The following PLA2G4C variants were observed in gnomAD, a reference collection of about 807,000 sequenced individuals.
PLA2G4C encodes cytosolic phospholipase A2 gamma.
In PLA2G4C, 64 loss-of-function variants were observed where a neutral mutation model predicts 73.8. The ratio of observed to expected loss-of-function variants is 0.87; its 90% confidence interval spans 0.71 to 1.07. The LOEUF is 1.07. PLA2G4C is among the 50% of genes least tolerant of loss of function. The pLI is 0.00. For synonymous variants in PLA2G4C, 254 were observed against 252.1 expected (o/e 1.01, Z -0.07); for missense variants, 622 against 665.4 (o/e 0.93, Z 0.72).
rs757526400 is a variant in PLA2G4C at position 48,055,084 on chromosome 19, CTCTCCA to C, written c.1258-41_1258-36del. 8.5e-6 allele frequency: 13 copies of C among 1,528,636 alleles called. No individual in the cohort carries two copies. The East Asian group carries it at 2.8e-4, about 33-fold the overall frequency. The allele number at this position is 1,528,636 out of a possible 1,614,324, so 94.7% of individuals were successfully genotyped here. A position where few individuals can be genotyped will look rare whatever the true frequency, so the allele number is the denominator to read the frequency against. ...AGGCAATAAGAAATGGTTGCAAGAC[CTCTCCA>C]GAAGACCCCTCCAGAAGACCCCTGG... On this transcript the variant is annotated intron_variant, in intron 14 of 16. Transcript: ENST00000599921.
intron 16 of PLA2G4C, 27 bp from the exon 17 acceptor site, chr19:48,048,415 A>G: frequency 6.4e-7 from 1 of 1,560,682 alleles, no homozygotes; most frequent in Non-Finnish European, 8.7e-7. Context: ...GTTAGAAGTT[A>G]CCACTGTGCT....
At chr19:48,102,396 C>CG (rs2122692588) in intron 4 of PLA2G4C, among the ~76,000 whole-genome samples, 1 of 151,348 alleles carries the variant, frequency 6.6e-6, no homozygotes, top group Admixed American at 6.6e-5. Context: ...GAGGCTGAGG[C>CG]AGGAGAATCA....
At chr19:48,049,017 G>A (rs964376066) in intron 16 of PLA2G4C, among the ~76,000 whole-genome samples, 1 of 151,928 alleles carries the variant, frequency 6.6e-6, no homozygotes, top group Non-Finnish European at 1.5e-5. Flanking sequence ...TCTCTCTCTT[G>A]CTCTCTCTCA....
intron 7 of PLA2G4C, among the ~76,000 whole-genome samples, chr19:48,090,952 G>T (rs891526717): frequency 6.6e-6 from 1 of 151,804 alleles, no homozygotes; most frequent in Non-Finnish European, 1.5e-5. Context: ...CCTGTATTGG[G>T]CTATGACTGT....
At chr19:48,068,138 C>T (rs1968513659) in intron 12 of PLA2G4C, among the ~76,000 whole-genome samples, 1 of 152,050 alleles carries the variant, frequency 6.6e-6, no homozygotes, top group Non-Finnish European at 1.5e-5. Flanking sequence ...CCTGTCTCTA[C>T]TAAAAATACA....
intron 10 of PLA2G4C, among the ~76,000 whole-genome samples, chr19:48,083,732 C>T (rs2030796200): frequency 6.6e-6 from 1 of 152,054 alleles, no homozygotes; most frequent in Non-Finnish European, 1.5e-5. Context: ...CAGGTGTGAG[C>T]CACTGCGCCC....
At chr19:48,105,249 T>C (rs1428475625) in intron 3 of PLA2G4C, 84 bp downstream of exon 3, 1 of 837,112 alleles carries the variant, frequency 1.2e-6, no homozygotes, top group African/African-American at 1.7e-5. Context: ...GGTCCAGCTC[T>C]CCCTGGCTGA....
chr19:48,067,509 C>T (rs1480386179), intron 13 of PLA2G4C, among the ~76,000 whole-genome samples: 1 of 152,196 alleles, frequency 6.6e-6, no homozygotes, highest in East Asian at 1.9e-4. Flanking sequence ...GACTAGCTGA[C>T]AAGAAATTAG....
intron 1 of PLA2G4C, among the ~76,000 whole-genome samples, chr19:48,108,574 C>T (rs763381788): frequency 6.6e-6 from 1 of 152,204 alleles, no homozygotes; most frequent in African/African-American, 2.4e-5. Context: ...GGTCATTCTT[C>T]AACCCACGAC....
At chr19:48,091,935 T>C (rs1242697281) in intron 7 of PLA2G4C, among the ~76,000 whole-genome samples, 1 of 143,990 alleles carries the variant, frequency 6.9e-6, no homozygotes, top group Non-Finnish European at 1.5e-5. Flanking sequence ...GGATGGCTGG[T>C]ATCCAAAAAA....
At chr19:48,081,937 C>T (rs147669273) in intron 10 of PLA2G4C, among the ~76,000 whole-genome samples, 8 of 151,906 alleles carry the variant, frequency 5.3e-5, no homozygotes, top group South Asian at 2.1e-4. Flanking sequence ...AAAAATTAGC[C>T]GGGCATGGTG....
At chr19:48,074,329 G>T in intron 12 of PLA2G4C, 3 of 165,934 alleles carry the variant, frequency 1.8e-5, no homozygotes, top group Non-Finnish European at 3.9e-5. Flanking sequence ...CCTTTTTCTG[G>T]CTGCATAGTA....
At chr19:48,089,253 C>T (rs1164367259) in intron 8 of PLA2G4C, among the ~76,000 whole-genome samples, 1 of 152,042 alleles carries the variant, frequency 6.6e-6, no homozygotes, top group Admixed American at 6.6e-5. Context: ...ATGGTGAAAT[C>T]CTGTCTCTAC....
chr19:48,062,317 T>C (rs1010783491), intron 13 of PLA2G4C, 165 bp from the exon 14 acceptor site: 5 of 579,638 alleles, frequency 8.6e-6, no homozygotes, highest in Non-Finnish European at 8.7e-6. Flanking sequence ...CAGATTCATA[T>C]GTTGAAGCCC....
intron 10 of PLA2G4C, among the ~76,000 whole-genome samples, chr19:48,078,337 A>C (rs938609536): frequency 2.0e-5 from 3 of 152,218 alleles, no homozygotes; most frequent in Non-Finnish European, 2.9e-5. Context: ...TATCACTTGT[A>C]TTCAACATAG....
intron 14 of PLA2G4C, among the ~76,000 whole-genome samples, chr19:48,061,205 T>C (rs1968155152): frequency 6.6e-6 from 1 of 151,616 alleles, no homozygotes. Context: ...GGAGGATCGC[T>C]TGAGCCCAGG....
At chr19:48,055,389 G>GTATATATATATA (rs4002927) in intron 14 of PLA2G4C, among the ~76,000 whole-genome samples, 4,755 of 132,392 alleles carry the variant, frequency 0.036, 133 homozygotes, top group Admixed American at 0.055. Flanking sequence ...CATCTCTACA[G>GTATATATATATA]TATATATATA....
intron 9 of PLA2G4C, among the ~76,000 whole-genome samples, chr19:48,088,404 A>C (rs1951493865): frequency 6.6e-6 from 1 of 152,198 alleles, no homozygotes; most frequent in African/African-American, 2.4e-5. Context: ...ATCCAACATA[A>C]ATTCAAGAAT....
chr19:48,091,995 G>A (rs1431876735), intron 7 of PLA2G4C, among the ~76,000 whole-genome samples: 2 of 151,842 alleles, frequency 1.3e-5, no homozygotes, highest in African/African-American at 4.8e-5. Flanking sequence ...TTGGAAACCT[G>A]GGACACCATT....
Sources: gnomAD v4.1 joint callset for allele counts (sites outside exome capture counted in the v4.1 genomes callset) on GRCh38, gnomAD v4.1.1 for gene constraint, MANE v1.5 for transcripts, NCBI Gene and HGNC (gene_info 2026-07-23, HGNC 2026-07-21) for gene names.